The following CAMK2D variants were observed in gnomAD, a reference collection of about 807,000 sequenced individuals.
CAMK2D encodes calcium/calmodulin dependent protein kinase II delta.
A neutral mutation model predicts 84.0 loss-of-function variants in CAMK2D; 37 were observed. The observed-to-expected ratio is 0.44, with a 90% CI of 0.34 to 0.58. The LOEUF is 0.58. Among genes scored for constraint, CAMK2D ranks in the 20% least tolerant of loss-of-function variants. The probability of loss-of-function intolerance (pLI) is 0.02; values close to 1 mark genes in which losing one functional copy is unlikely to be tolerated. For synonymous variants in CAMK2D, 202 were observed against 212.5 expected, an observed-to-expected ratio of 0.95 and a Z score of 0.43; for missense variants, 448 against 652.5, an observed-to-expected ratio of 0.69 and a Z score of 3.41.
At chr4:113,535,605 T>C (rs915875611) in intron 7 of CAMK2D, among the ~76,000 whole-genome samples, 2 of 152,164 alleles carry the variant, frequency 1.3e-5, no homozygotes, top group Admixed American at 1.3e-4. Flanking sequence ...CTCACTCGAG[T>C]ATACTTTAGC....
intron 6 of CAMK2D, among the ~76,000 whole-genome samples, chr4:113,544,178 CT>C (rs1230547687): frequency 6.6e-6 from 1 of 152,106 alleles, no homozygotes; most frequent in African/African-American, 2.4e-5. Flanking sequence ...AAAAGTTTTA[CT>C]TCATACACCT....
chr4:113,490,087 T>C (rs1446504720), intron 16 of CAMK2D, among the ~76,000 whole-genome samples: 6 of 150,896 alleles, frequency 4.0e-5, no homozygotes, highest in African/African-American at 1.2e-4. Flanking sequence ...TCCCATTTTG[T>C]AGGTTGCCTG....
chr4:113,684,209 T>C (rs1442036693), intron 2 of CAMK2D, among the ~76,000 whole-genome samples: 1 of 152,196 alleles, frequency 6.6e-6, no homozygotes, highest in African/African-American at 2.4e-5. Context: ...AGAAAGCTAA[T>C]GAAAATTGTA....
chr4:113,475,433 A>C (rs1364329981), intron 16 of CAMK2D, among the ~76,000 whole-genome samples: 2 of 152,236 alleles, frequency 1.3e-5, no homozygotes, highest in Non-Finnish European at 2.9e-5. Context: ...CTATATTAAG[A>C]GTACTCAAAA....
At chr4:113,733,814 C>T (rs1369198138) in intron 2 of CAMK2D, among the ~76,000 whole-genome samples, 1 of 150,540 alleles carries the variant, frequency 6.6e-6, no homozygotes, top group Non-Finnish European at 1.5e-5. Flanking sequence ...ATACATGTAA[C>T]TAATTATAAT....
chr4:113,581,791 A>G (rs2098811551), intron 4 of CAMK2D, among the ~76,000 whole-genome samples: 1 of 152,170 alleles, frequency 6.6e-6, no homozygotes, highest in Admixed American at 6.5e-5. Context: ...ATTAAATGTC[A>G]TTGGGTAATT....
intron 4 of CAMK2D, among the ~76,000 whole-genome samples, chr4:113,556,683 C>T (rs890654466): frequency 3.3e-5 from 5 of 152,104 alleles, no homozygotes; most frequent in African/African-American, 1.2e-4. Context: ...TTTCTAGTTA[C>T]CCCAGGGGCT....
Position 113,451,841 on chromosome 4 carries a change from G to C in CAMK2D, c.*2704C>G, listed in dbSNP as rs968426134. ...GGTTTTGAGAGGGAAGGCAAGCCCA[G>C]AATAGGGCCTAGGAAGGTTTGCTGT... On this transcript the variant is annotated 3_prime_UTR_variant, in exon 21 of 21. Coordinates refer to ENST00000511664, the MANE Select transcript of CAMK2D (RefSeq NM_001321571.2). 6 of 152,218 alleles carry C rather than the reference G, an allele frequency of 3.9e-5. No homozygotes were observed. The East Asian group carries it at 1.2e-3, about 29-fold the overall frequency. 9.4% of individuals were successfully genotyped at this position (152,218 alleles called of 1,614,324 possible).
At chr4:113,506,572 A>C (rs1210816857) in intron 13 of CAMK2D, among the ~76,000 whole-genome samples, 2 of 152,198 alleles carry the variant, frequency 1.3e-5, no homozygotes, top group East Asian at 3.8e-4. Flanking sequence ...ATGTTAGTAC[A>C]GGGTACGTGA....
At chr4:113,749,148 G>T (rs935576585) in intron 2 of CAMK2D, among the ~76,000 whole-genome samples, 22 of 150,938 alleles carry the variant, frequency 1.5e-4, no homozygotes, top group Non-Finnish European at 2.8e-4. Flanking sequence ...ATATATAATA[G>T]CTATAAATAG....
intron 19 of CAMK2D, among the ~76,000 whole-genome samples, chr4:113,456,165 G>C (rs570754077): frequency 1.7e-4 from 26 of 152,154 alleles, no homozygotes; most frequent in Non-Finnish European, 3.4e-4. Context: ...AATTATTAAG[G>C]CTATACAGAA....
chr4:113,587,529 A>AT (rs1319391170), intron 4 of CAMK2D, among the ~76,000 whole-genome samples: 2 of 152,072 alleles, frequency 1.3e-5, no homozygotes, highest in Admixed American at 6.6e-5. Flanking sequence ...ATTCTTAATT[A>AT]TTTTTTGCTT....
chr4:113,578,747 C>T (rs2098795283), intron 4 of CAMK2D, among the ~76,000 whole-genome samples: 1 of 152,130 alleles, frequency 6.6e-6, no homozygotes, highest in Non-Finnish European at 1.5e-5. Context: ...CCCCTAAACA[C>T]TTGCAAATTT....
In CAMK2D at chr4:113,752,562, A is replaced by C. The variant is rs1365295735; in HGVS notation, c.160+6758T>G. Among the ~76,000 whole-genome samples the C allele has an allele frequency of 2.0e-5, 3 of 152,330 alleles. No homozygotes were observed. The South Asian group carries it at 6.2e-4, about 32-fold the overall frequency. ...GTTAAACAAGATGAACCAGAAGAGT[A>C]GAACAGCTTTCTGAGTAGGTTTCTC... On this transcript the variant is annotated intron_variant, in intron 2 of 20. Transcript: ENST00000511664.
intron 8 of CAMK2D, among the ~76,000 whole-genome samples, chr4:113,518,722 T>C (rs2098318764): frequency 6.6e-6 from 1 of 152,176 alleles, no homozygotes; most frequent in Non-Finnish European, 1.5e-5. Flanking sequence ...GACTTATTTT[T>C]TCCCTTATCC....
intron 9 of CAMK2D, among the ~76,000 whole-genome samples, chr4:113,515,569 A>ATAG (rs2098273571): frequency 6.6e-6 from 1 of 152,086 alleles, no homozygotes; most frequent in Non-Finnish European, 1.5e-5. Flanking sequence ...AAACTTAATA[A>ATAG]AAGCAAACAG....
At chr4:113,689,521 C>T (rs932528338) in intron 2 of CAMK2D, among the ~76,000 whole-genome samples, 2 of 152,152 alleles carry the variant, frequency 1.3e-5, no homozygotes, top group Non-Finnish European at 2.9e-5. Flanking sequence ...TCTACTTTCC[C>T]TTTTGTTCAT....
chr4:113,488,630 T>C (rs1265900997), intron 16 of CAMK2D, among the ~76,000 whole-genome samples: 1 of 152,198 alleles, frequency 6.6e-6, no homozygotes, highest in Admixed American at 6.5e-5. Flanking sequence ...AACATATATA[T>C]GCCTTTAGAG....
intron 13 of CAMK2D, among the ~76,000 whole-genome samples, chr4:113,507,920 T>C (rs752632723): frequency 2.2e-4 from 34 of 151,658 alleles, no homozygotes; most frequent in Non-Finnish European, 4.3e-4. Context: ...AAAAAACATA[T>C]AGTTTTTTGT....
Sources: gnomAD v4.1 joint callset for allele counts (sites outside exome capture counted in the v4.1 genomes callset) on GRCh38, gnomAD v4.1.1 for gene constraint, MANE v1.5 for transcripts, NCBI Gene and HGNC (gene_info 2026-07-23, HGNC 2026-07-21) for gene names.